Variants in DGKD observed in about 807,000 individuals in gnomAD.
DGKD encodes DAG kinase delta.
A neutral mutation model predicts 154.4 loss-of-function variants in DGKD; 68 were observed. The ratio of observed to expected loss-of-function variants is 0.44; its 90% CI spans 0.36 to 0.54. DGKD has a LOEUF of 0.54. Among genes scored for constraint, DGKD ranks in the 20% least tolerant of loss-of-function variants. The pLI, the probability that DGKD is intolerant of heterozygous loss-of-function variation, is 0.00. For missense variants in DGKD, 1,343 were observed against 1,593.6 expected (o/e 0.84, Z 2.68); for synonymous variants, 693 against 638.0 (o/e 1.09, Z -1.30).
chr2:233,451,652 G>C (rs866933447), intron 17 of DGKD, among the ~76,000 whole-genome samples: 6 of 150,572 alleles, frequency 4.0e-5, no homozygotes, highest in Middle Eastern at 3.2e-3. Context: ...ACTGCAGCTT[G>C]ACCTCCTGGA....
At chr2:233,385,215 C>T (rs4663580) in intron 1 of DGKD, among the ~76,000 whole-genome samples, 1,579 of 152,256 alleles carry the variant, frequency 0.01, 100 homozygotes, top group Admixed American at 0.078. Flanking sequence ...TGGAGACTTG[C>T]GCTTCCCCCC....
At chr2:233,425,741 T>A (rs2062275739) in intron 3 of DGKD, among the ~76,000 whole-genome samples, 1 of 152,182 alleles carries the variant, frequency 6.6e-6, no homozygotes, top group Non-Finnish European at 1.5e-5. Flanking sequence ...GGCTGCATAG[T>A]TTTCTGTTAT....
At position 233,457,003 on chromosome 2, in the gene DGKD, G is replaced by A; in HGVS notation, c.2472+8G>A. The A allele has an allele frequency of 6.2e-7, 1 of 1,611,170 alleles. No individual in the cohort carries two copies. Among genetic ancestry groups the A allele is most frequent in the East Asian group, 2.2e-5 (1 of 44,876 alleles). On this transcript the variant is annotated splice_region_variant and intron_variant, in intron 20 of 29. Coordinates refer to ENST00000264057, the MANE Select transcript of DGKD (RefSeq NM_152879.3). The surrounding 1 kb of genome is among the most constrained non-coding windows in gnomAD (Gnocchi z 5.5). ...CAAAAGGTCTTGCTGGAGGTGAGTG[G>A]GAGGGTCCTTGTCACCTGCAGGCTG...
chr2:233,391,749 G>A (rs1703635313), intron 3 of DGKD, among the ~76,000 whole-genome samples: 1 of 152,140 alleles, frequency 6.6e-6, no homozygotes, highest in South Asian at 2.1e-4. Context: ...GTGCTTTCAA[G>A]TTTTGTTTTA....
At chr2:233,455,479 CTT>C (rs2063431332) in intron 19 of DGKD, among the ~76,000 whole-genome samples, 2 of 152,362 alleles carry the variant, frequency 1.3e-5, no homozygotes, top group Middle Eastern at 3.4e-3. Context: ...AGAATTCTCT[CTT>C]GTCTGTGAAA....
chr2:233,391,626 G>C (rs1703626596), intron 3 of DGKD, among the ~76,000 whole-genome samples: 1 of 152,138 alleles, frequency 6.6e-6, no homozygotes, highest in African/African-American at 2.4e-5. Context: ...GCCATCCCAT[G>C]TAGACAAAAA....
Position 233,451,011 on chromosome 2 carries a change from G to C in DGKD, c.2128G>C (p.Asp710His), listed in dbSNP as rs559849900. ...CCTTCCGCCCCAGCCGGGAAGCCGG[G>C]ACGGCCTGCCTGCGCTCAACACCAA... ...ASLPPQPGSR[D>H]GLPALNTKIL... Residue 710 changes from aspartate to histidine, a missense_variant, in exon 17 of 30, where the codon GAC becomes CAC. Transcript: ENST00000264057. The C allele has an allele frequency of 8.7e-6, 14 of 1,612,332 alleles. No individual in the cohort carries two copies. Among genetic ancestry groups the C allele is most frequent in the Middle Eastern group, 1.7e-4 (1 of 6,056 alleles).
chr2:233,439,505 C>A (rs1042533126), intron 9 of DGKD, among the ~76,000 whole-genome samples: 1 of 152,216 alleles, frequency 6.6e-6, no homozygotes, highest in African/African-American at 2.4e-5. Flanking sequence ...AGAAAGACTT[C>A]TTATCTGAAT....
intron 1 of DGKD, among the ~76,000 whole-genome samples, chr2:233,381,276 TAGAC>T (rs1338980273): frequency 2.0e-5 from 3 of 152,188 alleles, no homozygotes; most frequent in South Asian, 4.1e-4. Context: ...AGCTTATAGG[TAGAC>T]AGGTGGTGGG....
At position 233,354,715 on chromosome 2, in the gene DGKD, G is replaced by A; in HGVS notation, c.156+41G>A. The A allele has an allele frequency of 2.1e-6, 2 of 975,530 alleles. No homozygotes were observed. Among genetic ancestry groups the A allele is most frequent in the Non-Finnish European group, 1.2e-6 (1 of 824,038 alleles). The allele number at this position is 975,530 out of a possible 1,614,324, so 60.4% of individuals were successfully genotyped here. A position where few individuals can be genotyped will look rare whatever the true frequency, so the allele number is the denominator to read the frequency against. On this transcript the variant is annotated intron_variant, in intron 1 of 29. Transcript: ENST00000264057. This position sits in a 1 kb window ranked among gnomAD's most constrained non-coding sequence, Gnocchi z 4.8. ...GGCGGCCCGGGCGCGCGCCCCTCAC[G>A]CCGCGGCAGCCCCGGCCGAGGCCCG...
Position 233,458,438 on chromosome 2 carries a change from C to A in DGKD, c.2694+41C>A. On this transcript the variant is annotated intron_variant, in intron 22 of 29. Transcript: ENST00000264057. This position sits in a 1 kb window ranked among gnomAD's most constrained non-coding sequence, Gnocchi z 6.6. ...CTGGGGTGTCTGGCCGAGTCCCCAG[C>A]CCGGAGTGTGCTAAATTCTGGGGCA... 1.3e-6 allele frequency: 2 copies of A among 1,499,036 alleles called. No individual in the cohort carries two copies. Among genetic ancestry groups the A allele is most frequent in the African/African-American group, 1.4e-5 (1 of 73,020 alleles). 92.9% of individuals were successfully genotyped at this position (1,499,036 alleles called of 1,614,324 possible).
Position 233,384,517 on chromosome 2 carries a change from G to A in DGKD, c.157-3740G>A, listed in dbSNP as rs75596757. ...TCGCCTTACACTGAACTCCCCTGAC[G>A]TCCTCGAGGCCCGCAGAGTCAGCAC... On this transcript the variant is annotated intron_variant, in intron 1 of 29. Coordinates refer to ENST00000264057, the MANE Select transcript of DGKD (RefSeq NM_152879.3). Among the ~76,000 whole-genome samples, 335 of 152,098 alleles carry A rather than the reference G, an allele frequency of 2.2e-3. 4 individuals carry two copies. The East Asian group carries it at 0.051, about 23-fold the overall frequency.
rs530128392 is a variant in DGKD, at chr2:233,445,011, C to T, written c.1195-612C>T. On this transcript the variant is annotated intron_variant, in intron 10 of 29. Coordinates refer to ENST00000264057, the MANE Select transcript of DGKD (RefSeq NM_152879.3). The surrounding 1 kb of genome is among the most constrained non-coding windows in gnomAD (Gnocchi z 5.5). Reference sequence around the variant, plus strand: ...TCATTGGAGCTCTGAAATGGGAATCCAGGTGGAGGGTGAGGCCTGAGTAAT... The same window carrying T: ...TCATTGGAGCTCTGAAATGGGAATCTAGGTGGAGGGTGAGGCCTGAGTAAT... Among the ~76,000 whole-genome samples the T allele has an allele frequency of 5.9e-4, 90 of 152,116 alleles. No homozygotes were observed. The highest frequency in any genetic ancestry group is 1.0e-3 in the Non-Finnish European group (69 of 67,982).
At position 233,449,197 on chromosome 2, in the gene DGKD, T is replaced by C. The variant is rs1455462195; in HGVS notation, c.1709T>C (p.Ile570Thr). 6.2e-7 allele frequency: 1 copy of C among 1,613,690 alleles called. No homozygotes were observed. Among genetic ancestry groups the C allele is most frequent in the African/African-American group, 1.3e-5 (1 of 75,058 alleles). Reference protein sequence around the residue: ...SSSLPNPPPTIAEEAEDGDGS... With the variant: ...SSSLPNPPPTTAEEAEDGDGS... The stretch of plus-strand genomic sequence containing the variant: ...TCTCTGCCCAACCCGCCCCCCACCA[T>C]TGCCGAGGAGGCTGAAGATGGAGAT... The change falls in exon 15 of 30, where the codon ATT becomes ACT. Residue 570 changes from isoleucine to threonine, a missense_variant. Physicochemically the swap from Ile to Thr is moderately conservative, Grantham distance 89 (BLOSUM62 -1). Around this residue, in one of 6 missense-constraint regions of DGKD, gnomAD observed 409 missense variants for 446.0 expected, o/e 0.92. Coordinates refer to ENST00000264057, the MANE Select transcript of DGKD (RefSeq NM_152879.3). This position sits in a 1 kb window ranked among gnomAD's most constrained non-coding sequence, Gnocchi z 5.3.
At chr2:233,388,177 G>A (rs960055211) in intron 1 of DGKD, 80 bp from the exon 2 acceptor site, 1 of 1,570,342 alleles carries the variant, frequency 6.4e-7, no homozygotes, top group Non-Finnish European at 8.6e-7. Flanking sequence ...TGTTTCAGCC[G>A]CAACAGGCTG....
intron 2 of DGKD, among the ~76,000 whole-genome samples, chr2:233,389,757 G>A (rs922516797): frequency 6.6e-6 from 1 of 152,204 alleles, no homozygotes; most frequent in East Asian, 1.9e-4. Context: ...GGCAGGGGCT[G>A]TGCCGGGGGA....
At position 233,459,844 on chromosome 2, in the gene DGKD, A is replaced by C; in HGVS notation, c.2782A>C (p.Ile928Leu). 6.2e-7 allele frequency: 1 copy of C among 1,614,096 alleles called. No individual in the cohort carries two copies. Among genetic ancestry groups the C allele is most frequent in the Non-Finnish European group, 8.5e-7 (1 of 1,180,010 alleles). ...GEAWVQPPGY[I>L]RIVHKNRAQT... is the part of the protein sequence containing the mutation. ...GGCCTGGGTCCAGCCGCCAGGGTAC[A>C]TTCGGATTGTCCACAAGAACCGGGC... The change falls in exon 23 of 30, where the codon ATT becomes CTT. Residue 928 changes from isoleucine (I) to leucine (L), a missense_variant. Coordinates refer to ENST00000264057, the MANE Select transcript of DGKD (RefSeq NM_152879.3). The surrounding 1 kb of genome is among the most constrained non-coding windows in gnomAD (Gnocchi z 5.7).
chr2:233,423,008 T>C (rs1437210403), intron 3 of DGKD, among the ~76,000 whole-genome samples: 1 of 152,248 alleles, frequency 6.6e-6, no homozygotes, highest in Non-Finnish European at 1.5e-5. Context: ...AAATGGAATC[T>C]TATAGTATGT....
chr2:233,390,157 A>G lies in DGKD; in HGVS notation c.268-246A>G, dbSNP rs536205815. 5.9e-5 allele frequency among the ~76,000 whole-genome samples: 9 copies of G among 152,266 alleles called. No individual in the cohort carries two copies. In the South Asian group the frequency reaches 1.9e-3, roughly 32 times the overall value. On this transcript the variant is annotated intron_variant, in intron 2 of 29. Transcript: ENST00000264057. ...CTCTCTTTCTTCCTTCACTAATGCA[A>G]TGACAATGTTTGTAGATTTTTTTAA...
Sources: allele counts gnomAD v4.1 joint callset (sites outside exome capture counted in the v4.1 genomes callset), GRCh38; gene constraint gnomAD v4.1.1; regional missense constraint gnomAD v4.1.1; non-coding constraint Gnocchi (gnomAD v3.1); transcripts MANE v1.5; gene names NCBI Gene and HGNC (gene_info 2026-07-23, HGNC 2026-07-21).